The following RPAP2 variants were observed in gnomAD, a reference collection of about 807,000 sequenced individuals.
RPAP2 encodes putative RNA polymerase II subunit B1 CTD phosphatase RPAP2.
A neutral mutation model predicts 73.1 loss-of-function variants in RPAP2; 52 were observed. That is an observed-to-expected ratio of 0.71 (90% CI 0.57 to 0.90). The LOEUF is 0.90. Among genes scored for constraint, RPAP2 ranks in the 40% least tolerant of loss-of-function variants. The pLI is 0.00. For missense variants in RPAP2, 598 were observed against 701.8 expected, an observed-to-expected ratio of 0.85 and a Z score of 1.67; for synonymous variants, 225 against 242.1, an observed-to-expected ratio of 0.93 and a Z score of 0.65.
intron 11 of RPAP2, among the ~76,000 whole-genome samples, chr1:92,349,675 C>A (rs993484100): frequency 6.6e-6 from 1 of 152,166 alleles, no homozygotes; most frequent in Non-Finnish European, 1.5e-5. Flanking sequence ...TGCCTATAAT[C>A]CCAGCATTTT....
At chr1:92,350,485 C>T (rs1654146582) in intron 11 of RPAP2, among the ~76,000 whole-genome samples, 1 of 152,114 alleles carries the variant, frequency 6.6e-6, no homozygotes, top group Admixed American at 6.5e-5. Context: ...TCAGACTTTA[C>T]TCTTAGATCT....
intron 11 of RPAP2, among the ~76,000 whole-genome samples, chr1:92,371,975 C>T (rs1313680667): frequency 6.6e-6 from 1 of 150,944 alleles, no homozygotes; most frequent in Non-Finnish European, 1.5e-5. Context: ...CCATTATTAT[C>T]ATCATCATCA....
intron 12 of RPAP2, among the ~76,000 whole-genome samples, chr1:92,381,217 C>T (rs1307279490): frequency 6.6e-6 from 1 of 152,188 alleles, no homozygotes; most frequent in Non-Finnish European, 1.5e-5. Context: ...TACTTCAACT[C>T]GGCTACTGCA....
chr1:92,373,583 CTGAG>C (rs1252459430), intron 11 of RPAP2, among the ~76,000 whole-genome samples: 6 of 151,638 alleles, frequency 4.0e-5, no homozygotes, highest in Non-Finnish European at 8.8e-5. Context: ...ACATTAATGA[CTGAG>C]TTATTCATTT....
At chr1:92,337,494 T>C (rs1282514428) in intron 10 of RPAP2, among the ~76,000 whole-genome samples, 1 of 152,170 alleles carries the variant, frequency 6.6e-6, no homozygotes, top group African/African-American at 2.4e-5. Flanking sequence ...AAAAATTATT[T>C]GTCTTCAAAG....
At position 92,380,827 on chromosome 1, in the gene RPAP2, C is replaced by G; in HGVS notation, c.1792C>G (p.Leu598Val). 1 of 1,605,642 alleles carries G rather than the reference C, an allele frequency of 6.2e-7. No homozygotes were observed. The highest frequency in any genetic ancestry group is 8.5e-7 in the Non-Finnish European group (1 of 1,176,648). Residue 598 changes from leucine (L) to valine (V), a missense_variant, in exon 12 of 13, where the codon CTT becomes GTT. Leu to Val is a conservative substitution (Grantham distance 32). Coordinates refer to ENST00000610020, the MANE Select transcript of RPAP2 (RefSeq NM_024813.3). ...AGAATTACATCTAAAAAATGAAGAC[C>G]TTGAAAGTCTAACCATCATATTTAG... The part of the protein sequence containing the change: ...LEELHLKNED[L>V]ESLTIIFRTS...
rs113540195 is a variant in RPAP2, at chr1:92,316,059, C to T, written c.489-4540C>T. ...CTGTTTGGCTAAATGTAGGCTCTGA[C>T]AAGCCTTTGAAGGTGGGAAGTCTCC... On this transcript the variant is annotated intron_variant, in intron 6 of 12. Coordinates refer to ENST00000610020, the MANE Select transcript of RPAP2 (RefSeq NM_024813.3). Among the ~76,000 whole-genome samples the T allele has an allele frequency of 5.1e-3, 776 of 152,268 alleles. 1 individual carries two copies. The highest frequency in any genetic ancestry group is 0.018 in the African/African-American group (741 of 41,554).
At chr1:92,327,313 G>A (rs1652693631) in intron 8 of RPAP2, among the ~76,000 whole-genome samples, 1 of 152,120 alleles carries the variant, frequency 6.6e-6, no homozygotes, top group African/African-American at 2.4e-5. Flanking sequence ...AGGTCTCGTA[G>A]TAACTGTTTT....
intron 11 of RPAP2, among the ~76,000 whole-genome samples, chr1:92,373,180 G>A (rs2101428353): frequency 8.3e-6 from 1 of 120,638 alleles, no homozygotes; most frequent in East Asian, 3.8e-4. Context: ...GTAGAGAGGT[G>A]AGACTGAGGA....
At chr1:92,381,808 T>C (rs986848419) in intron 12 of RPAP2, among the ~76,000 whole-genome samples, 1 of 152,016 alleles carries the variant, frequency 6.6e-6, no homozygotes, top group African/African-American at 2.4e-5. Context: ...TTAGGGTACA[T>C]GTGCACAATG....
intron 10 of RPAP2, among the ~76,000 whole-genome samples, chr1:92,336,960 T>G (rs1382562110): frequency 6.6e-6 from 1 of 152,140 alleles, no homozygotes; most frequent in East Asian, 1.9e-4. Context: ...GAAACTGTTG[T>G]GATTTTTCCT....
intron 1 of RPAP2, 33 bp downstream of exon 1, chr1:92,299,179 C>T (rs1448796218): frequency 9.6e-6 from 13 of 1,350,722 alleles, no homozygotes; most frequent in Non-Finnish European, 1.2e-5. Context: ...ACTTTTGGAC[C>T]CTGAAAGCTG....
At chr1:92,381,194 G>C (rs759905936) in intron 12 of RPAP2, among the ~76,000 whole-genome samples, 15 of 152,096 alleles carry the variant, frequency 9.9e-5, no homozygotes, top group Admixed American at 8.5e-4. Context: ...TTTCTTCCCA[G>C]GAAGTAGCAG....
chr1:92,313,800 T>C (rs1187367462), intron 6 of RPAP2, among the ~76,000 whole-genome samples: 2 of 152,254 alleles, frequency 1.3e-5, no homozygotes, highest in Non-Finnish European at 1.5e-5. Context: ...GCTATCTTAA[T>C]CAGTGCTCCT....
chr1:92,379,441 T>G (rs1401433120), intron 11 of RPAP2, among the ~76,000 whole-genome samples: 1 of 152,156 alleles, frequency 6.6e-6, no homozygotes, highest in African/African-American at 2.4e-5. Flanking sequence ...TTAATCTTTA[T>G]AATTAGAATA....
intron 6 of RPAP2, among the ~76,000 whole-genome samples, chr1:92,317,279 C>G (rs545437826): frequency 6.6e-6 from 1 of 152,034 alleles, no homozygotes; most frequent in Non-Finnish European, 1.5e-5. Flanking sequence ...GAGGCCGAGG[C>G]GGGTGAATCA....
Position 92,300,175 on chromosome 1 carries a change from G to A in RPAP2, c.74-19G>A. The A allele has an allele frequency of 6.3e-7, 1 of 1,581,724 alleles. No individual in the cohort carries two copies. Among genetic ancestry groups the A allele is most frequent in the African/African-American group, 1.4e-5 (1 of 73,816 alleles). On this transcript the variant is annotated intron_variant, in intron 1 of 12. Transcript: ENST00000610020. ...ACGGAAATGTCATTATGTAGCACAT[G>A]ACTGTATTTTTATTGTAGGTACTAA...
At position 92,333,387 on chromosome 1, in the gene RPAP2, T is replaced by G; in HGVS notation, c.1456-4T>G. On this transcript the variant is annotated splice_region_variant and splice_polypyrimidine_tract_variant and intron_variant, in intron 8 of 12. Transcript: ENST00000610020. ...GTTTTGCTTTGTTTAAAAATGTGATTCAGCATGATTCCACCTTTCCACTGA... is the reference window on the plus strand; with the variant it reads ...GTTTTGCTTTGTTTAAAAATGTGATGCAGCATGATTCCACCTTTCCACTGA... The G allele has an allele frequency of 6.2e-7, 1 of 1,609,394 alleles. No homozygotes were observed.
intron 6 of RPAP2, among the ~76,000 whole-genome samples, chr1:92,313,860 G>A (rs1651741932): frequency 6.6e-6 from 1 of 152,146 alleles, no homozygotes; most frequent in Admixed American, 6.5e-5. Flanking sequence ...AGCACTTGTG[G>A]CTTCACCTTG....
Sources: allele counts gnomAD v4.1 joint callset (sites outside exome capture counted in the v4.1 genomes callset), GRCh38; gene constraint gnomAD v4.1.1; transcripts MANE v1.5; gene names NCBI Gene and HGNC (gene_info 2026-07-23, HGNC 2026-07-21).